The following SH3RF2 variants were observed in gnomAD, a reference collection of about 807,000 sequenced individuals.
SH3RF2 encodes the protein SH3 domain containing ring finger 2, also known as E3 ubiquitin-protein ligase SH3RF2.
A neutral mutation model predicts 59.0 loss-of-function variants in SH3RF2; 43 were observed. The observed-to-expected ratio is 0.73, with a 90% CI of 0.57 to 0.94. The LOEUF (loss-of-function observed/expected upper bound fraction) is 0.94, where lower values mean the gene tolerates loss of function less well. Among genes scored for constraint, SH3RF2 ranks in the 40% least tolerant of loss-of-function variants. The probability of loss-of-function intolerance (pLI) is 0.00; values close to 1 mark genes in which losing one functional copy is unlikely to be tolerated. For synonymous variants in SH3RF2, 391 were observed against 391.5 expected, an observed-to-expected ratio of 1.00 and a Z score of 0.01; for missense variants, 930 against 940.1, an observed-to-expected ratio of 0.99 and a Z score of 0.14.
intron 9 of SH3RF2, among the ~76,000 whole-genome samples, chr5:146,074,799 T>TG (rs531350809): frequency 2.5e-3 from 383 of 152,206 alleles, no homozygotes; most frequent in Non-Finnish European, 4.1e-3. Flanking sequence ...TCTCTCTCTG[T>TG]TTCTGTCTCC....
chr5:146,048,325 A>G (rs1162700221), intron 6 of SH3RF2, among the ~76,000 whole-genome samples: 1 of 151,832 alleles, frequency 6.6e-6, no homozygotes, highest in African/African-American at 2.4e-5. Flanking sequence ...AAAAAAAAAA[A>G]AAGACAACAC....
chr5:146,051,786 C>CTTTA (rs1227922204), intron 7 of SH3RF2, among the ~76,000 whole-genome samples: 2 of 152,120 alleles, frequency 1.3e-5, no homozygotes, highest in East Asian at 1.9e-4. Flanking sequence ...AGAGAGAGCT[C>CTTTA]CAGCCTTGAG....
chr5:146,066,191 C>T (rs1248627198), downstream of SH3RF2, among the ~76,000 whole-genome samples: 1 of 152,176 alleles, frequency 6.6e-6, no homozygotes, highest in East Asian at 1.9e-4. Context: ...AAAACCCATC[C>T]TTGACTTCAG....
intron 5 of SH3RF2, among the ~76,000 whole-genome samples, chr5:146,034,306 A>G (rs1309144767): frequency 2.0e-5 from 3 of 152,192 alleles, no homozygotes; most frequent in Non-Finnish European, 2.9e-5. Context: ...ATGGGAGAGG[A>G]CAGCAGAGGG....
intron 6 of SH3RF2, 121 bp downstream of exon 6, chr5:146,047,984 T>C: frequency 2.2e-6 from 2 of 914,044 alleles, no homozygotes; most frequent in East Asian, 5.2e-5. Context: ...ATAGGTCGCC[T>C]TCCTTTACCA....
Position 145,939,968 on chromosome 5 carries a change from C to T in SH3RF2, c.378+1662C>T, listed in dbSNP as rs115958687. 1.5e-3 allele frequency among the ~76,000 whole-genome samples: 224 copies of T among 152,266 alleles called. 1 individual carries two copies. Among genetic ancestry groups the T allele is most frequent in the African/African-American group, 5.2e-3 (217 of 41,556 alleles). On this transcript the variant is annotated intron_variant, in intron 2 of 9. Coordinates refer to ENST00000359120, the MANE Select transcript of SH3RF2 (RefSeq NM_152550.4). ...CATCTTTCTCAATGTGACTGTGTTG[C>T]AAAGGACAGGTAGCGATGAATGGAT...
intron 8 of SH3RF2, among the ~76,000 whole-genome samples, chr5:146,058,376 A>C (rs1580936156): frequency 6.6e-6 from 1 of 152,120 alleles, no homozygotes; most frequent in African/African-American, 2.4e-5. Context: ...AAATGGCAGG[A>C]GAATTGACTG....
chr5:145,972,585 T>A (rs1759130285), intron 2 of SH3RF2, among the ~76,000 whole-genome samples: 1 of 152,114 alleles, frequency 6.6e-6, no homozygotes, highest in South Asian at 2.1e-4. Flanking sequence ...GGAGAGGCAA[T>A]GGGCTAGATG....
chr5:145,949,450 A>G (rs1758112052), intron 2 of SH3RF2, among the ~76,000 whole-genome samples: 1 of 152,236 alleles, frequency 6.6e-6, no homozygotes, highest in African/African-American at 2.4e-5. Flanking sequence ...CTGCCTGGAT[A>G]TGAGAAAGGC....
chr5:145,947,808 T>A (rs1002009285), intron 2 of SH3RF2, among the ~76,000 whole-genome samples: 1 of 152,166 alleles, frequency 6.6e-6, no homozygotes, highest in South Asian at 2.1e-4. Flanking sequence ...TTGCTTGGGC[T>A]CCAAAAGTGA....
chr5:146,055,768 C>G (rs1222284701), intron 7 of SH3RF2: 4 of 595,084 alleles, frequency 6.7e-6, no homozygotes, highest in Non-Finnish European at 1.2e-5. Context: ...TTCCTTCCCT[C>G]AGCACACCCT....
exon 10 of SH3RF2, chr5:146,080,997 A>C (rs1216137945): frequency 6.6e-6 from 1 of 152,228 alleles, no homozygotes; most frequent in Non-Finnish European, 1.5e-5. Flanking sequence ...ACGGGGTCTC[A>C]CCGTGTTAGC....
At chr5:146,006,940 AAG>A (rs1760670232) in intron 4 of SH3RF2, among the ~76,000 whole-genome samples, 2 of 152,300 alleles carry the variant, frequency 1.3e-5, no homozygotes, top group South Asian at 2.1e-4. Flanking sequence ...ACGCATGAAA[AAG>A]AGTGAGTTGT....
intron 2 of SH3RF2, among the ~76,000 whole-genome samples, chr5:145,946,737 A>G (rs1355240312): frequency 1.3e-5 from 2 of 152,178 alleles, no homozygotes; most frequent in Non-Finnish European, 2.9e-5. Flanking sequence ...CACAAATTTC[A>G]TGTGCTCTTT....
intron 9 of SH3RF2, among the ~76,000 whole-genome samples, chr5:146,075,915 T>G (rs1763333645): frequency 6.6e-6 from 1 of 152,130 alleles, no homozygotes; most frequent in Non-Finnish European, 1.5e-5. Flanking sequence ...CAAAGAATTA[T>G]TACCTGCCTA....
intron 4 of SH3RF2, among the ~76,000 whole-genome samples, chr5:146,008,575 T>C (rs1027227656): frequency 6.6e-6 from 1 of 152,122 alleles, no homozygotes; most frequent in Admixed American, 6.6e-5. Context: ...TCCTAATTGG[T>C]CCCCCTATTT....
chr5:146,016,928 A>G (rs1462815428), intron 5 of SH3RF2, among the ~76,000 whole-genome samples: 1 of 152,210 alleles, frequency 6.6e-6, no homozygotes. Context: ...AACATTGTGT[A>G]TGGTGCTGAT....
intron 7 of SH3RF2, 77 bp downstream of exon 7, chr5:146,049,322 G>A (rs13156670): frequency 6.8e-7 from 1 of 1,474,060 alleles, no homozygotes; most frequent in Admixed American, 2.2e-5. Flanking sequence ...TGAACTGGTG[G>A]AAGACCCAGT....
At chr5:145,991,904 A>G (rs1051927480) in intron 2 of SH3RF2, among the ~76,000 whole-genome samples, 1 of 152,208 alleles carries the variant, frequency 6.6e-6, no homozygotes, top group Non-Finnish European at 1.5e-5. Context: ...TTGAGTTAGA[A>G]TAAGATATAG....
Sources: allele counts gnomAD v4.1 joint callset (sites outside exome capture counted in the v4.1 genomes callset), GRCh38; gene constraint gnomAD v4.1.1; transcripts MANE v1.5; gene names NCBI Gene and HGNC (gene_info 2026-07-23, HGNC 2026-07-21).